RBFOX1: variants seen among roughly 807,000 people sequenced by gnomAD.
RBFOX1 encodes the protein RNA binding protein fox-1 homolog 1.
A neutral mutation model predicts 57.7 loss-of-function variants in RBFOX1; 8 were observed. The observed-to-expected ratio is 0.14, with a 90% CI of 0.08 to 0.25. RBFOX1 has a LOEUF of 0.25. RBFOX1 is among the 10% of genes least tolerant of loss of function. RBFOX1 has a pLI of 1.00. For synonymous variants in RBFOX1, 326 were observed against 222.4 expected (o/e 1.47, Z -4.15); for missense variants, 611 against 548.5 (o/e 1.11, Z -1.14).
intron 3 of RBFOX1, among the ~76,000 whole-genome samples, chr16:7,036,866 T>G (rs142203320): frequency 6.6e-6 from 1 of 151,770 alleles, no homozygotes; most frequent in African/African-American, 2.4e-5. Context: ...CTCATCAGAG[T>G]GGATGATGAG....
intron 2 of RBFOX1, among the ~76,000 whole-genome samples, chr16:6,338,616 GT>G (rs1460103756): frequency 4.6e-5 from 7 of 152,260 alleles, no homozygotes; most frequent in Admixed American, 4.6e-4. Context: ...CTCTTAAAGA[GT>G]ACTTTAAAGG....
chr16:5,998,817 A>G (rs1332908897), intron 4 of RBFOX1, among the ~76,000 whole-genome samples: 1 of 152,178 alleles, frequency 6.6e-6, no homozygotes, highest in Admixed American at 6.5e-5. Flanking sequence ...AGATGTTACT[A>G]CGTATATAAA....
intron 1 of RBFOX1, among the ~76,000 whole-genome samples, chr16:6,073,673 G>A (rs1292143796): frequency 6.6e-6 from 1 of 152,048 alleles, no homozygotes; most frequent in African/African-American, 2.4e-5. Flanking sequence ...AATCTTCCTG[G>A]ATTCCTATTT....
At chr16:5,684,335 C>T (rs964367418) in intron 3 of RBFOX1, among the ~76,000 whole-genome samples, 1 of 152,008 alleles carries the variant, frequency 6.6e-6, no homozygotes, top group East Asian at 1.9e-4. Context: ...GTAAGAGAAC[C>T]CTGACTAATA....
intron 4 of RBFOX1, among the ~76,000 whole-genome samples, chr16:7,173,285 C>T (rs2081055922): frequency 6.6e-6 from 1 of 152,178 alleles, no homozygotes; most frequent in Non-Finnish European, 1.5e-5. Flanking sequence ...ATCCAACGTG[C>T]ATTTAGAAAC....
chr16:6,930,212 C>T (rs1028615335), intron 3 of RBFOX1, among the ~76,000 whole-genome samples: 3 of 152,168 alleles, frequency 2.0e-5, no homozygotes, highest in African/African-American at 4.8e-5. Flanking sequence ...ATATTGAGAA[C>T]TCCTAAAACT....
intron 1 of RBFOX1, among the ~76,000 whole-genome samples, chr16:6,067,486 G>A (rs1364880389): frequency 2.6e-5 from 4 of 152,128 alleles, no homozygotes; most frequent in Non-Finnish European, 4.4e-5. Flanking sequence ...ATCACTAACC[G>A]TACTTGTCTT....
At chr16:5,960,832 A>G (rs1376949482) in intron 4 of RBFOX1, among the ~76,000 whole-genome samples, 3 of 152,192 alleles carry the variant, frequency 2.0e-5, no homozygotes, top group Non-Finnish European at 4.4e-5. Context: ...TCTTCTTCCC[A>G]ACAGCACAGG....
intron 1 of RBFOX1, among the ~76,000 whole-genome samples, chr16:5,248,753 G>T (rs1207179824): frequency 6.6e-6 from 1 of 152,152 alleles, no homozygotes; most frequent in Non-Finnish European, 1.5e-5. Context: ...ACTTTGGGAG[G>T]CCAAGGTGGG....
At chr16:5,714,833 C>A (rs530489226) in intron 3 of RBFOX1, among the ~76,000 whole-genome samples, 1 of 152,138 alleles carries the variant, frequency 6.6e-6, no homozygotes, top group East Asian at 1.9e-4. Flanking sequence ...GATGTGGGAA[C>A]GGGGACTTAG....
intron 2 of RBFOX1, among the ~76,000 whole-genome samples, chr16:6,509,850 T>A (rs1042715392): frequency 1.3e-5 from 2 of 152,118 alleles, no homozygotes; most frequent in African/African-American, 4.8e-5. Flanking sequence ...ATATAAAATT[T>A]TCAAAATAGA....
chr16:5,318,504 C>G (rs142692848), intron 1 of RBFOX1, among the ~76,000 whole-genome samples: 50 of 152,282 alleles, frequency 3.3e-4, no homozygotes, highest in Admixed American at 6.5e-4. Context: ...TAAATGATGC[C>G]TGTCCCCTCC....
chr16:6,979,954 C>G (rs866168153), intron 3 of RBFOX1, among the ~76,000 whole-genome samples: 1 of 152,092 alleles, frequency 6.6e-6, no homozygotes, highest in African/African-American at 2.4e-5. Context: ...TCTGGGGAAG[C>G]TTTCATTTTC....
At chr16:7,451,223 A>C (rs1479253070) in intron 4 of RBFOX1, among the ~76,000 whole-genome samples, 1 of 152,200 alleles carries the variant, frequency 6.6e-6, no homozygotes, top group African/African-American at 2.4e-5. Flanking sequence ...ATGGGACCTG[A>C]TATAATCATA....
intron 3 of RBFOX1, among the ~76,000 whole-genome samples, chr16:6,902,698 G>A (rs913919164): frequency 6.6e-6 from 1 of 152,128 alleles, no homozygotes; most frequent in Non-Finnish European, 1.5e-5. Context: ...CTCCGGTCAG[G>A]GTGACAAGTC....
At chr16:5,286,800 A>C (rs2063406048) in intron 1 of RBFOX1, among the ~76,000 whole-genome samples, 1 of 152,216 alleles carries the variant, frequency 6.6e-6, no homozygotes. Context: ...TCGTAGCCTA[A>C]AAGCATATGT....
At chr16:6,656,837 A>T (rs2098656986) in intron 3 of RBFOX1, among the ~76,000 whole-genome samples, 1 of 151,908 alleles carries the variant, frequency 6.6e-6, no homozygotes, top group Non-Finnish European at 1.5e-5. Context: ...TTACTCTCTA[A>T]GGACTTTTTT....
intron 4 of RBFOX1, among the ~76,000 whole-genome samples, chr16:7,147,990 C>T (rs2075362783): frequency 6.6e-6 from 1 of 152,110 alleles, no homozygotes; most frequent in Non-Finnish European, 1.5e-5. Context: ...TGCAGTCACA[C>T]AAGAGGTATA....
intron 3 of RBFOX1, among the ~76,000 whole-genome samples, chr16:6,847,244 C>G (rs557924767): frequency 5.9e-5 from 9 of 152,264 alleles, no homozygotes; most frequent in East Asian, 1.9e-4. Flanking sequence ...CAACATGTAT[C>G]TCTCATGCCT....
Sources: gnomAD v4.1 joint callset for allele counts (sites outside exome capture counted in the v4.1 genomes callset) on GRCh38, gnomAD v4.1.1 for gene constraint, MANE v1.5 for transcripts, NCBI Gene and HGNC (gene_info 2026-07-23, HGNC 2026-07-21) for gene names.